Variants in OR3A3 observed in about 807,000 individuals in gnomAD.
OR3A3 encodes olfactory receptor 3A3.
For synonymous variants in OR3A3, 103 were observed against 163.9 expected (o/e 0.63, Z 2.84); for missense variants, 275 against 391.4 (o/e 0.70, Z 2.51).
intron 2 of OR3A3, among the ~76,000 whole-genome samples, chr17:3,413,837 ACAAAAAAC>A (rs2072375085): frequency 7.0e-6 from 1 of 143,704 alleles, no homozygotes; most frequent in Non-Finnish European, 1.5e-5. Flanking sequence ...AAACAAAAAA[ACAAAAAAC>A]AAAAAAAAAA....
intron 2 of OR3A3, among the ~76,000 whole-genome samples, chr17:3,415,786 T>TA (rs1391326267): frequency 7.2e-6 from 1 of 138,244 alleles, no homozygotes; most frequent in African/African-American, 2.6e-5. Flanking sequence ...ATTTTTTATT[T>TA]ACTTATTTTT....
At chr17:3,416,290 C>T (rs1398991247) in intron 2 of OR3A3, among the ~76,000 whole-genome samples, 1 of 152,136 alleles carries the variant, frequency 6.6e-6, no homozygotes, top group Non-Finnish European at 1.5e-5. Context: ...TACATTTTCT[C>T]ATTTTGAACT....
chr17:3,421,531 T>C, exon 3 of OR3A3: 1 of 1,520,656 alleles, frequency 6.6e-7, no homozygotes, highest in East Asian at 2.3e-5. Context: ...ATCACTGACC[T>C]GAGAGATGAC....
intron 2 of OR3A3, among the ~76,000 whole-genome samples, chr17:3,415,307 T>C (rs1038006043): frequency 1.3e-5 from 2 of 151,992 alleles, no homozygotes; most frequent in Non-Finnish European, 2.9e-5. Flanking sequence ...ACACGTGTAA[T>C]CCCAGCACTT....
chr17:3,418,365 G>T (rs2072404950), intron 2 of OR3A3, among the ~76,000 whole-genome samples: 1 of 152,116 alleles, frequency 6.6e-6, no homozygotes, highest in South Asian at 2.1e-4. Context: ...GGTTGTTTTT[G>T]AGTACCTTTT....
intron 2 of OR3A3, among the ~76,000 whole-genome samples, chr17:3,413,110 A>G (rs1292922986): frequency 6.6e-6 from 1 of 152,270 alleles, no homozygotes; most frequent in Non-Finnish European, 1.5e-5. Context: ...GATGTAAGAA[A>G]GATATGTTCT....
exon 3 of OR3A3, chr17:3,421,780 G>T: frequency 2.5e-6 from 1 of 407,118 alleles, no homozygotes; most frequent in Non-Finnish European, 4.3e-6. Flanking sequence ...AAAAGTCTCT[G>T]CACTCAAGCA....
chr17:3,416,087 C>T (rs1306199915), intron 2 of OR3A3, among the ~76,000 whole-genome samples: 1 of 151,948 alleles, frequency 6.6e-6, no homozygotes, highest in Admixed American at 6.6e-5. Flanking sequence ...GCTGGGATTA[C>T]AGATGTGAGC....
intron 2 of OR3A3, among the ~76,000 whole-genome samples, chr17:3,416,092 G>A (rs1244667603): frequency 6.6e-6 from 1 of 151,946 alleles, no homozygotes; most frequent in African/African-American, 2.4e-5. Context: ...GATTACAGAT[G>A]TGAGCCACTG....
exon 3 of OR3A3, chr17:3,423,430 G>A (rs2072449699): frequency 1.3e-5 from 2 of 152,192 alleles, no homozygotes. Flanking sequence ...CTCCAACACT[G>A]AGGGGTTTCC....
chr17:3,417,773 C>T (rs919552136), intron 2 of OR3A3, among the ~76,000 whole-genome samples: 2 of 152,152 alleles, frequency 1.3e-5, no homozygotes, highest in Non-Finnish European at 2.9e-5. Context: ...AGATAAGCAT[C>T]TTCTCATTCT....
intron 2 of OR3A3, among the ~76,000 whole-genome samples, chr17:3,416,902 A>G (rs985150334): frequency 6.6e-6 from 1 of 152,200 alleles, no homozygotes; most frequent in Non-Finnish European, 1.5e-5. Context: ...TCCATACTCT[A>G]TCAAATTCTA....
intron 2 of OR3A3, among the ~76,000 whole-genome samples, chr17:3,413,641 T>C (rs1018090232): frequency 7.2e-5 from 11 of 151,952 alleles, no homozygotes; most frequent in South Asian, 2.1e-4. Context: ...GGTGAAACCC[T>C]GTCTCTACTA....
chr17:3,420,488 G>A, intron 2 of OR3A3, 92 bp from the exon 3 acceptor site: 1 of 1,547,730 alleles, frequency 6.5e-7, no homozygotes, highest in South Asian at 1.3e-5. Flanking sequence ...ATGGCCTGGG[G>A]ACTCGCCACG....
At chr17:3,415,540 G>A (rs557013910) in intron 2 of OR3A3, among the ~76,000 whole-genome samples, 6 of 124,368 alleles carry the variant, frequency 4.8e-5, no homozygotes, top group African/African-American at 1.8e-4. Flanking sequence ...CAGCCTGGGT[G>A]ACAAAAGCGA....
intron 2 of OR3A3, among the ~76,000 whole-genome samples, chr17:3,415,420 A>T (rs1444334740): frequency 6.6e-6 from 1 of 151,370 alleles, no homozygotes; most frequent in Non-Finnish European, 1.5e-5. Flanking sequence ...AATTAGCCAG[A>T]CGTGGTGGCG....
intron 2 of OR3A3, among the ~76,000 whole-genome samples, chr17:3,412,990 C>T (rs1286647390): frequency 2.6e-5 from 4 of 152,162 alleles, no homozygotes; most frequent in East Asian, 1.9e-4. Context: ...TGAAATTGTA[C>T]GAACGTTAGA....
In OR3A3 at chr17:3,420,010, G is replaced by A. The variant is rs111990743; in HGVS notation, c.-6-570G>A. 7.8e-3 allele frequency among the ~76,000 whole-genome samples: 1,183 copies of A among 152,046 alleles called. 5 individuals carry two copies. Among genetic ancestry groups the A allele is most frequent in the Non-Finnish European group, 0.012 (787 of 67,982 alleles). ...TCTCAATCTCCTGACCTCGTGATCC[G>A]CCTGCCTTGGCCTCCCAAAGTGCTG... On this transcript the variant is annotated intron_variant, in intron 2 of 2. Transcript: ENST00000641141.
chr17:3,421,486 C>A, exon 3 of OR3A3: 1 of 1,556,342 alleles, frequency 6.4e-7, no homozygotes, highest in Non-Finnish European at 8.7e-7. Context: ...TACTGATGTT[C>A]AGGGCGCTCT....
Sources: gnomAD v4.1 joint callset for allele counts (sites outside exome capture counted in the v4.1 genomes callset) on GRCh38, gnomAD v4.1.1 for gene constraint, MANE v1.5 for transcripts, NCBI Gene and HGNC (gene_info 2026-07-23, HGNC 2026-07-21) for gene names.